MYLK: variants seen among roughly 807,000 people sequenced by gnomAD.
The protein encoded by MYLK is myosin light chain kinase.
A neutral mutation model predicts 203.4 loss-of-function variants in MYLK; 106 were observed. The observed-to-expected ratio is 0.52, with a 90% CI of 0.45 to 0.61. The LOEUF is 0.61. Ranked by LOEUF, MYLK falls within the 20% of genes least tolerant of loss-of-function variation. The pLI, the probability that MYLK is intolerant of heterozygous loss-of-function variation, is 0.00. For synonymous variants in MYLK, 867 were observed against 959.5 expected, an observed-to-expected ratio of 0.90 and a Z score of 1.78; for missense variants, 2,072 against 2,442.3, an observed-to-expected ratio of 0.85 and a Z score of 3.20.
At chr3:123,837,861 A>G (rs1378697287) in intron 2 of MYLK, among the ~76,000 whole-genome samples, 1 of 152,146 alleles carries the variant, frequency 6.6e-6, no homozygotes, top group Non-Finnish European at 1.5e-5. Context: ...GAAATTATCC[A>G]AACTAAAACA....
intron 4 of MYLK, among the ~76,000 whole-genome samples, chr3:123,792,121 C>G (rs2064805425): frequency 6.6e-6 from 1 of 152,196 alleles, no homozygotes; most frequent in African/African-American, 2.4e-5. Flanking sequence ...AGGCATGGTT[C>G]TTTCATGACA....
intron 20 of MYLK, among the ~76,000 whole-genome samples, chr3:123,678,414 T>A (rs1184385519): frequency 6.6e-6 from 1 of 152,122 alleles, no homozygotes; most frequent in African/African-American, 2.4e-5. Context: ...AGTCAGTGTC[T>A]GGCCGGTTAA....
At chr3:123,775,111 A>C (rs1225123166) in intron 4 of MYLK, among the ~76,000 whole-genome samples, 5 of 151,820 alleles carry the variant, frequency 3.3e-5, no homozygotes, top group African/African-American at 1.2e-4. Flanking sequence ...GCAGCCTTGA[A>C]CTCCCGGGCT....
intron 10 of MYLK, 101 bp downstream of exon 10, chr3:123,733,586 A>T (rs2062563160): frequency 7.0e-7 from 1 of 1,423,002 alleles, no homozygotes. Context: ...CAAGAAGATG[A>T]GTGGATATAG....
chr3:123,647,509 G>A (rs1481999235), intron 26 of MYLK, 82 bp from the exon 27 acceptor site: 8 of 1,219,908 alleles, frequency 6.6e-6, no homozygotes, highest in Non-Finnish European at 9.7e-6. Context: ...TATGGCCCAT[G>A]GGACAGATCT....
Position 123,826,166 on chromosome 3 carries a change from C to T in MYLK, c.-4+5382G>A, listed in dbSNP as rs147997777. On this transcript the variant is annotated intron_variant, in intron 3 of 33. Coordinates refer to ENST00000360304, the MANE Select transcript of MYLK (RefSeq NM_053025.4). ...CCTGGGTCCCAAACCTAAGAAACAA[C>T]GCTGTGGACCACCCTCAGCAGATAT... Among the ~76,000 whole-genome samples the T allele has an allele frequency of 1.1e-3, 169 of 152,248 alleles. 4 individuals carry two copies. In the South Asian group the frequency reaches 0.017, roughly 15 times the overall value.
chr3:123,725,847 T>TC (rs1409303542), intron 12 of MYLK, 97 bp downstream of exon 12: 2 of 1,520,548 alleles, frequency 1.3e-6, no homozygotes, highest in African/African-American at 2.7e-5. Flanking sequence ...CACCAGGATG[T>TC]CCAAGGCATA....
rs974618746 is a variant in MYLK, at chr3:123,690,644, G to T, written c.3565+2091C>A. ...AAATAAAGCTAAATGTGGGCAAACA[G>T]GATGCTAATATATCTGTAAGTATAG... On this transcript the variant is annotated intron_variant, in intron 19 of 33. Coordinates refer to ENST00000360304, the MANE Select transcript of MYLK (RefSeq NM_053025.4). Among the ~76,000 whole-genome samples the T allele has an allele frequency of 7.2e-5, 11 of 152,280 alleles. No individual in the cohort carries two copies. The South Asian group carries it at 1.7e-3, about 23-fold the overall frequency.
chr3:123,748,812 T>A (rs1478710176), intron 5 of MYLK, among the ~76,000 whole-genome samples: 1 of 152,166 alleles, frequency 6.6e-6, no homozygotes, highest in Non-Finnish European at 1.5e-5. Context: ...GGCTCACACC[T>A]GTAACCCCAG....
Position 123,664,102 on chromosome 3 carries a change from C to T in MYLK, c.3985+3G>A, listed in dbSNP as rs2059656037. 2.5e-6 allele frequency: 4 copies of T among 1,613,902 alleles called. No individual in the cohort carries two copies. The highest frequency in any genetic ancestry group is 3.3e-5 in the Admixed American group (2 of 60,004). On this transcript the variant is annotated splice_donor_region_variant and intron_variant, in intron 23 of 33. Transcript: ENST00000360304. ...CTCCATGCCACCCAGCCACCAGACTCACCCACGACAGTGAGGTTGACCTGG... is the reference window on the plus strand; with the variant it reads ...CTCCATGCCACCCAGCCACCAGACTTACCCACGACAGTGAGGTTGACCTGG...
chr3:123,680,860 C>T (rs1193966337), intron 20 of MYLK, among the ~76,000 whole-genome samples: 1 of 152,136 alleles, frequency 6.6e-6, no homozygotes, highest in African/African-American at 2.4e-5. Flanking sequence ...ACAGCATGTG[C>T]TGGGGATGTT....
Position 123,707,786 on chromosome 3 carries a change from G to C in MYLK, c.2358C>G (p.Pro786=). ...VFTLVLKKVQ[P]WHAGQYEILL... ...GGATCTCATACTGGCCGGCATGCCAGGGCTGCACCTTCTTTAGAACCAGGG... is the reference window on the plus strand; with the variant it reads ...GGATCTCATACTGGCCGGCATGCCACGGCTGCACCTTCTTTAGAACCAGGG... The change falls in exon 16 of 34, where the codon CCC becomes CCG. Residue 786 remains proline, a synonymous_variant. Coordinates refer to ENST00000360304, the MANE Select transcript of MYLK (RefSeq NM_053025.4). The C allele has an allele frequency of 6.2e-7, 1 of 1,614,224 alleles. No individual in the cohort carries two copies. Among genetic ancestry groups the C allele is most frequent in the Non-Finnish European group, 8.5e-7 (1 of 1,180,046 alleles).
At chr3:123,643,145 T>C (rs2058892554) in intron 27 of MYLK, among the ~76,000 whole-genome samples, 1 of 152,232 alleles carries the variant, frequency 6.6e-6, no homozygotes, top group African/African-American at 2.4e-5. Context: ...TAGCCTTGTC[T>C]CTGCACTTTC....
At chr3:123,711,673 C>A (rs1290479430) in intron 13 of MYLK, among the ~76,000 whole-genome samples, 3 of 152,140 alleles carry the variant, frequency 2.0e-5, no homozygotes, top group African/African-American at 7.2e-5. Flanking sequence ...TTCAGTAATG[C>A]CATTTTAGCA....
In MYLK at chr3:123,629,366, C is replaced by G. The variant is rs1467219560; in HGVS notation, c.5114+108G>C. On this transcript the variant is annotated intron_variant, in intron 30 of 33. Transcript: ENST00000360304. The surrounding 1 kb of genome is among the most constrained non-coding windows in gnomAD (Gnocchi z 4.4). ...TCCTCAGGGAATGCTAGGAACGACC[C>G]AAGGCGGGGTGGCAAGGAGGGCACC... 2 of 1,395,200 alleles carry G rather than the reference C, an allele frequency of 1.4e-6. No individual in the cohort carries two copies. The highest frequency in any genetic ancestry group is 2.0e-6 in the Non-Finnish European group (2 of 1,000,136). 86.4% of individuals were successfully genotyped at this position (1,395,200 alleles called of 1,614,324 possible).
chr3:123,837,778 G>A (rs1200900246), intron 2 of MYLK, among the ~76,000 whole-genome samples: 1 of 151,808 alleles, frequency 6.6e-6, no homozygotes, highest in African/African-American at 2.4e-5. Flanking sequence ...ATTAAGGATG[G>A]CTTCAACAGG....
chr3:123,821,511 C>T (rs1020139701), intron 3 of MYLK, among the ~76,000 whole-genome samples: 1 of 152,182 alleles, frequency 6.6e-6, no homozygotes, highest in Non-Finnish European at 1.5e-5. Context: ...CCAAGAAAAA[C>T]TCCAGGGGAT....
At chr3:123,809,882 G>A (rs972831581) in intron 3 of MYLK, among the ~76,000 whole-genome samples, 6 of 152,138 alleles carry the variant, frequency 3.9e-5, no homozygotes, top group South Asian at 4.2e-4. Flanking sequence ...AATTTCCTGC[G>A]GTTCTTATAC....
chr3:123,828,484 C>A (rs1577081938), intron 3 of MYLK, among the ~76,000 whole-genome samples: 1 of 152,068 alleles, frequency 6.6e-6, no homozygotes, highest in Admixed American at 6.6e-5. Context: ...AAATGTAAGA[C>A]CTGAAATGAT....
Sources: gnomAD v4.1 joint callset for allele counts (sites outside exome capture counted in the v4.1 genomes callset) on GRCh38, gnomAD v4.1.1 for gene constraint, Gnocchi (gnomAD v3.1) non-coding constraint, MANE v1.5 for transcripts, NCBI Gene and HGNC (gene_info 2026-07-23, HGNC 2026-07-21) for gene names.